SEC24B: variants seen among roughly 807,000 people sequenced by gnomAD.
SEC24B encodes the protein SEC24 homolog B, COPII component, also known as protein transport protein Sec24B.
A neutral mutation model predicts 142.8 loss-of-function variants in SEC24B; 45 were observed. The observed-to-expected ratio is 0.32, with a 90% CI of 0.25 to 0.40. The LOEUF is 0.40. Ranked by LOEUF, SEC24B falls within the 10% of genes least tolerant of loss-of-function variation. The pLI, the probability that SEC24B is intolerant of heterozygous loss-of-function variation, is 1.00. For synonymous variants in SEC24B, 574 were observed against 568.2 expected, an observed-to-expected ratio of 1.01 and a Z score of -0.15; for missense variants, 1,409 against 1,526.8, an observed-to-expected ratio of 0.92 and a Z score of 1.29.
At chr4:109,447,587 G>A (rs1378706267) in intron 1 of SEC24B, among the ~76,000 whole-genome samples, 2 of 152,132 alleles carry the variant, frequency 1.3e-5, no homozygotes, top group South Asian at 2.1e-4. Flanking sequence ...CATCTTAAGT[G>A]TAGCAAAATT....
intron 18 of SEC24B, among the ~76,000 whole-genome samples, chr4:109,528,344 T>C (rs1370265246): frequency 6.6e-6 from 1 of 151,278 alleles, no homozygotes; most frequent in Non-Finnish European, 1.5e-5. Context: ...GAAAATCCTT[T>C]GAACCCAGGA....
intron 8 of SEC24B, among the ~76,000 whole-genome samples, chr4:109,510,746 A>T (rs1203579573): frequency 6.6e-6 from 1 of 152,182 alleles, no homozygotes; most frequent in Admixed American, 6.5e-5. Context: ...AACTTCAAAA[A>T]TAATTTTATT....
At chr4:109,443,730 G>A (rs1729146797) in intron 1 of SEC24B, among the ~76,000 whole-genome samples, 1 of 152,152 alleles carries the variant, frequency 6.6e-6, no homozygotes, top group African/African-American at 2.4e-5. Flanking sequence ...TGTGAGAAGG[G>A]TGCCCAGAGT....
chr4:109,440,207 T>C lies in SEC24B; in HGVS notation c.133+6205T>C, dbSNP rs545455011. Among the ~76,000 whole-genome samples, 8 of 152,292 alleles carry C rather than the reference T, an allele frequency of 5.3e-5. No individual in the cohort carries two copies. In the South Asian group the frequency reaches 6.2e-4, roughly 12 times the overall value. On this transcript the variant is annotated intron_variant, in intron 1 of 23. Transcript: ENST00000265175. ...GTTTAATTTTTATTTTTTATTGCTA[T>C]ATATATTGCTTTAGTTGTTTGCAGT... is the stretch of plus-strand genomic sequence containing the variant.
chr4:109,498,461 T>G (rs965461409), intron 6 of SEC24B, among the ~76,000 whole-genome samples: 5 of 152,174 alleles, frequency 3.3e-5, no homozygotes, highest in Non-Finnish European at 5.9e-5. Flanking sequence ...ACCTTCCAGA[T>G]TCAAGCGATT....
intron 1 of SEC24B, among the ~76,000 whole-genome samples, chr4:109,456,469 A>G (rs1329900535): frequency 6.6e-6 from 1 of 151,686 alleles, no homozygotes; most frequent in Non-Finnish European, 1.5e-5. Context: ...CCTTCCATGT[A>G]ATCAATGTTA....
chr4:109,440,075 G>A lies in SEC24B; in HGVS notation c.133+6073G>A, dbSNP rs1344594563. On this transcript the variant is annotated intron_variant, in intron 1 of 23. Coordinates refer to ENST00000265175, the MANE Select transcript of SEC24B (RefSeq NM_006323.5). ...GTGGAGGTCGTGGTGAGCCAAGATT[G>A]TGCCATTGCACTCCAGCCTGGGGGA... Among the ~76,000 whole-genome samples, 4 of 151,178 alleles carry A rather than the reference G, an allele frequency of 2.6e-5. No individual in the cohort carries two copies. In the East Asian group the frequency reaches 7.9e-4, roughly 30 times the overall value.
chr4:109,475,976 CTT>C (rs1380504234), intron 3 of SEC24B, among the ~76,000 whole-genome samples: 2 of 146,520 alleles, frequency 1.4e-5, no homozygotes, highest in South Asian at 4.2e-4. Flanking sequence ...ATCATTACAA[CTT>C]TTTCTCTCTC....
rs70949081 is a variant in SEC24B at position 109,456,334 on chromosome 4, G to GTTTTTTTTTTTTT, written c.134-6560_134-6548dup. Among the ~76,000 whole-genome samples the GTTTTTTTTTTTTT allele has an allele frequency of 1.7e-3, 161 of 93,928 alleles. 2 individuals are homozygous for GTTTTTTTTTTTTT. The highest frequency in any genetic ancestry group is 7.6e-3 in the Middle Eastern group (1 of 132). 61.6% of individuals were successfully genotyped at this position (93,928 alleles called of 152,430 possible). On this transcript the variant is annotated intron_variant, in intron 1 of 23. Coordinates refer to ENST00000265175, the MANE Select transcript of SEC24B (RefSeq NM_006323.5). ...CTGCAAATAAAGACAGGTTTTTTTT[G>GTTTTTTTTTTTTT]TTTTTTTTTTTTTTTTTTTACTCCT...
chr4:109,457,387 A>T (rs1156742115), intron 1 of SEC24B, among the ~76,000 whole-genome samples: 1 of 152,238 alleles, frequency 6.6e-6, no homozygotes, highest in Non-Finnish European at 1.5e-5. Context: ...TTTACTTCTC[A>T]CAATTCTGGA....
At chr4:109,485,492 CGTA>C (rs1329788219) in intron 4 of SEC24B, among the ~76,000 whole-genome samples, 2 of 152,104 alleles carry the variant, frequency 1.3e-5, no homozygotes, top group Non-Finnish European at 2.9e-5. Flanking sequence ...CAGTGTTAAA[CGTA>C]CATGTTATCT....
chr4:109,459,202 C>T (rs926829625), intron 1 of SEC24B, among the ~76,000 whole-genome samples: 15 of 151,976 alleles, frequency 9.9e-5, no homozygotes, highest in Non-Finnish European at 1.8e-4. Flanking sequence ...AGCAGGTACA[C>T]GAGAAAAGAA....
chr4:109,455,266 T>C (rs75230947), intron 1 of SEC24B, among the ~76,000 whole-genome samples: 2 of 152,054 alleles, frequency 1.3e-5, no homozygotes, highest in East Asian at 3.9e-4. Flanking sequence ...TTTTTTTTTT[T>C]GGGATGGAGT....
At chr4:109,442,636 G>GA (rs749763469) in intron 1 of SEC24B, among the ~76,000 whole-genome samples, 4 of 152,108 alleles carry the variant, frequency 2.6e-5, no homozygotes, top group Non-Finnish European at 5.9e-5. Context: ...TTCAATTCAG[G>GA]AAAATATTAA....
chr4:109,494,991 GA>G (rs1474112096), intron 6 of SEC24B, 135 bp downstream of exon 6: 1 of 1,005,058 alleles, frequency 9.9e-7, no homozygotes, highest in Non-Finnish European at 1.4e-6. Flanking sequence ...AACATACATA[GA>G]ATTTGATCTC....
chr4:109,463,574 G>T lies in SEC24B; in HGVS notation c.807G>T (p.Ser269=). 1 of 1,614,094 alleles carries T rather than the reference G, an allele frequency of 6.2e-7. No homozygotes were observed. The highest frequency in any genetic ancestry group is 1.1e-5 in the South Asian group (1 of 91,078). The stretch of plus-strand genomic sequence containing the variant: ...CGTGGTCATCTCCAGGCCTTCCATC[G>T]ACTCAAGACAATCTCATCCGAAACC... ...TLTWSSPGLP[S]TQDNLIRNHT... Residue 269 remains serine, a synonymous_variant, in exon 2 of 24, where the codon TCG becomes TCT. Transcript: ENST00000265175.
In SEC24B at chr4:109,524,847, T is replaced by A; in HGVS notation, c.2538T>A (p.Asp846Glu). The change falls in exon 15 of 24, where the codon GAT (aspartate) becomes GAA (glutamate). Residue 846 changes from aspartate to glutamate, a missense_variant. Coordinates refer to ENST00000265175, the MANE Select transcript of SEC24B (RefSeq NM_006323.5). Reference protein sequence around the residue: ...KVVQHLGPATDFYKKLALDCS... With the variant: ...KVVQHLGPATEFYKKLALDCS... ...TACAACATCTTGGCCCTGCAACTGATTTTTATAAGAAACTTGCATTAGATT... is the reference window on the plus strand; with the variant it reads ...TACAACATCTTGGCCCTGCAACTGAATTTTATAAGAAACTTGCATTAGATT... The A allele has an allele frequency of 6.2e-7, 1 of 1,612,314 alleles. No individual in the cohort carries two copies. Among genetic ancestry groups the A allele is most frequent in the East Asian group, 2.2e-5 (1 of 44,760 alleles).
In SEC24B at chr4:109,539,623, C is replaced by T. The variant is rs1463744688; in HGVS notation, c.3755C>T (p.Ala1252Val). The T allele has an allele frequency of 1.2e-6, 2 of 1,613,854 alleles. No homozygotes were observed. The highest frequency in any genetic ancestry group is 1.1e-5 in the South Asian group (1 of 91,030). ...TTGATTGAAGACCGGACAGAGGCTG[C>T]ATTTTCTTACTATGAATTTTTGCTT... Reference protein sequence around the residue: ...QHLIEDRTEAAFSYYEFLLHV... With the variant: ...QHLIEDRTEAVFSYYEFLLHV... The change falls in exon 24 of 24, where the codon GCA (alanine) becomes GTA (valine). Residue 1252 changes from alanine (A) to valine (V), a missense_variant. Transcript: ENST00000265175.
intron 4 of SEC24B, among the ~76,000 whole-genome samples, chr4:109,484,589 G>A (rs1352801348): frequency 6.6e-6 from 1 of 152,072 alleles, no homozygotes; most frequent in Non-Finnish European, 1.5e-5. Context: ...AGTGGCTCAC[G>A]CCTGTAATCC....
Sources: gnomAD v4.1 joint callset for allele counts (sites outside exome capture counted in the v4.1 genomes callset) on GRCh38, gnomAD v4.1.1 for gene constraint, MANE v1.5 for transcripts, NCBI Gene and HGNC (gene_info 2026-07-23, HGNC 2026-07-21) for gene names.